NDFIP2: variants seen among roughly 807,000 people sequenced by gnomAD.
The protein encoded by NDFIP2 is NEDD4 family-interacting protein 2.
A neutral mutation model predicts 36.0 loss-of-function variants in NDFIP2; 19 were observed. That is an observed-to-expected ratio of 0.53 (90% CI 0.37 to 0.77). The LOEUF is 0.77. Ranked by LOEUF, NDFIP2 falls within the 30% of genes least tolerant of loss-of-function variation. The pLI is 0.00. For synonymous variants in NDFIP2, 181 were observed against 167.7 expected (o/e 1.08, Z -0.61); for missense variants, 446 against 435.8 (o/e 1.02, Z -0.21).
intron 1 of NDFIP2, among the ~76,000 whole-genome samples, chr13:79,518,605 G>T (rs778691527): frequency 3.3e-5 from 5 of 152,186 alleles, no homozygotes; most frequent in Admixed American, 6.5e-5. Flanking sequence ...CTAAATAAAA[G>T]GGAAGAAGTG....
rs1875968054 is a variant in NDFIP2 at position 79,553,112 on chromosome 13, C to G, written c.*599C>G. 1 of 151,664 alleles carries G rather than the reference C, an allele frequency of 6.6e-6. No individual in the cohort carries two copies. The highest frequency in any genetic ancestry group is 2.4e-5 in the African/African-American group (1 of 41,344). 9.4% of individuals were successfully genotyped at this position (151,664 alleles called of 1,614,324 possible). A position where few individuals can be genotyped will look rare whatever the true frequency, so the allele number is the denominator to read the frequency against. ...TAAATAACCATGCATAACTTACTTTCTGCAATGTTTTCTTAGAAATTGTGT... is the reference window on the plus strand; with the variant it reads ...TAAATAACCATGCATAACTTACTTTGTGCAATGTTTTCTTAGAAATTGTGT... On this transcript the variant is annotated 3_prime_UTR_variant, in exon 8 of 8. Coordinates refer to ENST00000218652, the MANE Select transcript of NDFIP2 (RefSeq NM_019080.3).
intron 3 of NDFIP2, among the ~76,000 whole-genome samples, chr13:79,537,363 G>A (rs897886433): frequency 2.6e-5 from 4 of 151,952 alleles, no homozygotes; most frequent in South Asian, 2.1e-4. Flanking sequence ...CACCCACCTC[G>A]GCCTCCCAAA....
rs1291041301 is a variant in NDFIP2 at position 79,481,280 on chromosome 13, T to G, written c.77T>G (p.Leu26Arg). Reference protein sequence around the residue: ...MLNSARGAPELLRGTATNAEV... With the variant: ...MLNSARGAPERLRGTATNAEV... ...AATAGCGCGCGCGGCGCCCCGGAGC[T>G]TCTCCGCGGAACCGCGACCAACGCG... The change falls in exon 1 of 8, where the codon CTT (leucine) becomes CGT (arginine). Residue 26 changes from leucine (L) to arginine (R), a missense_variant. Physicochemically the swap from Leu to Arg is moderately radical, Grantham distance 102. This residue lies in a region of NDFIP2 where 369 missense variants were observed against 304.8 expected (regional missense o/e 1.21). Transcript: ENST00000218652. The G allele has an allele frequency of 3.9e-6, 6 of 1,538,176 alleles. No homozygotes were observed. The highest frequency in any genetic ancestry group is 4.4e-6 in the Non-Finnish European group (5 of 1,146,192).
intron 1 of NDFIP2, among the ~76,000 whole-genome samples, chr13:79,496,770 G>A (rs1044360134): frequency 6.6e-6 from 1 of 151,718 alleles, no homozygotes. Context: ...TGGGTAAATT[G>A]TATAATTTTA....
chr13:79,499,199 T>C (rs936716684), intron 1 of NDFIP2, among the ~76,000 whole-genome samples: 1 of 151,926 alleles, frequency 6.6e-6, no homozygotes, highest in Non-Finnish European at 1.5e-5. Context: ...CCAACACCCA[T>C]TCATGATAAA....
intron 1 of NDFIP2, among the ~76,000 whole-genome samples, chr13:79,495,676 T>A (rs943485340): frequency 6.6e-6 from 1 of 151,918 alleles, no homozygotes; most frequent in Non-Finnish European, 1.5e-5. Context: ...GCCTTCTCAT[T>A]GGAGTGTTTG....
chr13:79,540,446 T>A (rs1157403930), intron 4 of NDFIP2, among the ~76,000 whole-genome samples: 3 of 152,196 alleles, frequency 2.0e-5, no homozygotes, highest in African/African-American at 7.2e-5. Flanking sequence ...ATCAACTGTT[T>A]AAATTACTAA....
chr13:79,539,498 T>G (rs1224620726), intron 3 of NDFIP2, among the ~76,000 whole-genome samples, 184 bp from the exon 4 acceptor site: 1 of 152,232 alleles, frequency 6.6e-6, no homozygotes, highest in African/African-American at 2.4e-5. Context: ...TTTTCAAATG[T>G]GACTGTGAAA....
At chr13:79,527,045 G>A (rs1183624971) in intron 2 of NDFIP2, among the ~76,000 whole-genome samples, 4 of 152,158 alleles carry the variant, frequency 2.6e-5, no homozygotes, top group Non-Finnish European at 5.9e-5. Context: ...GCTATTTGAA[G>A]ATCACTGGTG....
chr13:79,538,712 A>C (rs928143217), intron 3 of NDFIP2, among the ~76,000 whole-genome samples: 2 of 152,122 alleles, frequency 1.3e-5, no homozygotes, highest in Non-Finnish European at 2.9e-5. Context: ...CCTCCTGAGT[A>C]GCTGGGATTA....
chr13:79,506,044 A>G (rs1873854550), intron 1 of NDFIP2, among the ~76,000 whole-genome samples: 1 of 152,206 alleles, frequency 6.6e-6, no homozygotes, highest in Admixed American at 6.5e-5. Context: ...AATCTAACAA[A>G]TATGAGTTTT....
intron 1 of NDFIP2, among the ~76,000 whole-genome samples, chr13:79,506,798 G>A (rs1228432963): frequency 6.6e-6 from 1 of 151,968 alleles, no homozygotes; most frequent in Non-Finnish European, 1.5e-5. Context: ...TTATGGGATT[G>A]TGCTATTTTA....
At chr13:79,490,700 G>A (rs1472193022) in intron 1 of NDFIP2, among the ~76,000 whole-genome samples, 1 of 152,144 alleles carries the variant, frequency 6.6e-6, no homozygotes, top group Non-Finnish European at 1.5e-5. Flanking sequence ...TTATAGGAAT[G>A]TACCTCATAT....
intron 5 of NDFIP2, among the ~76,000 whole-genome samples, chr13:79,545,943 C>A (rs1163540064): frequency 6.6e-6 from 1 of 152,126 alleles, no homozygotes; most frequent in Non-Finnish European, 1.5e-5. Flanking sequence ...ACCGCGTTGC[C>A]CAGGCTGATC....
At position 79,540,811 on chromosome 13, in the gene NDFIP2, G is replaced by C. The variant is rs551951073; in HGVS notation, c.715+1036G>C. ...GGGGAATGAGCAAGGAGGGCAGACA[G>C]CTCCTCAAATTTACTAATTGTAATG... On this transcript the variant is annotated intron_variant, in intron 4 of 7. Transcript: ENST00000218652. Among the ~76,000 whole-genome samples, 18 of 152,226 alleles carry C rather than the reference G, an allele frequency of 1.2e-4. No individual in the cohort carries two copies. In the East Asian group the frequency reaches 3.1e-3, roughly 26 times the overall value.
Position 79,494,730 on chromosome 13 carries a change from A to T in NDFIP2, c.321+13206A>T, listed in dbSNP as rs79784047. ...GTTTACTCTTTCATTTTGGTGGAAGATGTTTTCCAGTAGGTTCCTAAGAAA... is the reference window on the plus strand; with the variant it reads ...GTTTACTCTTTCATTTTGGTGGAAGTTGTTTTCCAGTAGGTTCCTAAGAAA... On this transcript the variant is annotated intron_variant, in intron 1 of 7. Coordinates refer to ENST00000218652, the MANE Select transcript of NDFIP2 (RefSeq NM_019080.3). Among the ~76,000 whole-genome samples the T allele has an allele frequency of 2.6e-4, 40 of 152,058 alleles. No individual in the cohort carries two copies. In the East Asian group the frequency reaches 7.3e-3, roughly 28 times the overall value.
intron 1 of NDFIP2, among the ~76,000 whole-genome samples, chr13:79,484,965 A>C (rs564253707): frequency 1.4e-3 from 212 of 152,178 alleles, no homozygotes; most frequent in Non-Finnish European, 2.4e-3. Flanking sequence ...ATAAATAAGT[A>C]CCCTTTTTAC....
At chr13:79,549,785 A>C (rs1875831160) in intron 6 of NDFIP2, among the ~76,000 whole-genome samples, 1 of 151,904 alleles carries the variant, frequency 6.6e-6, no homozygotes, top group Non-Finnish European at 1.5e-5. Context: ...TTTGGATAAC[A>C]GTATTATTAT....
intron 1 of NDFIP2, among the ~76,000 whole-genome samples, chr13:79,484,730 G>T (rs1201444359): frequency 1.3e-5 from 2 of 152,188 alleles, no homozygotes; most frequent in Non-Finnish European, 1.5e-5. Flanking sequence ...TAAATTAGCT[G>T]AGAAGGAGGC....
Sources: gnomAD v4.1 joint callset for allele counts (sites outside exome capture counted in the v4.1 genomes callset) on GRCh38, gnomAD v4.1.1 for gene constraint, gnomAD v4.1.1 regional missense constraint, MANE v1.5 for transcripts, NCBI Gene and HGNC (gene_info 2026-07-23, HGNC 2026-07-21) for gene names.